GNB1L: variants seen among roughly 807,000 people sequenced by gnomAD.
The protein encoded by GNB1L is guanine nucleotide-binding protein subunit beta-like protein 1.
A neutral mutation model predicts 29.1 loss-of-function variants in GNB1L; 20 were observed. The observed-to-expected ratio is 0.69, with a 90% CI of 0.48 to 1.00. The LOEUF (loss-of-function observed/expected upper bound fraction) is 1.00. GNB1L is among the 50% of genes least tolerant of loss of function. The pLI, the probability that GNB1L is intolerant of heterozygous loss-of-function variation, is 0.00. For missense variants in GNB1L, 421 were observed against 464.9 expected, an observed-to-expected ratio of 0.91 and a Z score of 0.87; for synonymous variants, 193 against 206.5, an observed-to-expected ratio of 0.93 and a Z score of 0.56.
chr22:19,835,777 C>T (rs1333654511), intron 2 of GNB1L, among the ~76,000 whole-genome samples: 1 of 152,138 alleles, frequency 6.6e-6, no homozygotes, highest in Non-Finnish European at 1.5e-5. Flanking sequence ...AAATCTCCAA[C>T]TATTTGGAAA....
intron 2 of GNB1L, among the ~76,000 whole-genome samples, chr22:19,829,752 C>A (rs1380161760): frequency 6.6e-6 from 1 of 152,112 alleles, no homozygotes; most frequent in Non-Finnish European, 1.5e-5. Context: ...GTAATTATCT[C>A]CACAGATGCT....
At chr22:19,844,906 T>C (rs1326765412) in intron 2 of GNB1L, among the ~76,000 whole-genome samples, 1 of 152,202 alleles carries the variant, frequency 6.6e-6, no homozygotes, top group South Asian at 2.1e-4. Context: ...CTGGTTCATG[T>C]AGGCCAGCTG....
intron 3 of GNB1L, 53 bp from the exon 4 acceptor site, chr22:19,820,776 G>T: frequency 6.4e-7 from 1 of 1,569,130 alleles, no homozygotes; most frequent in Non-Finnish European, 8.7e-7. Context: ...TGTGCTGAAT[G>T]CTCTGGGGCC....
chr22:19,796,641 AT>A (rs1010453497), intron 7 of GNB1L, among the ~76,000 whole-genome samples: 16 of 152,226 alleles, frequency 1.1e-4, no homozygotes, highest in Admixed American at 3.3e-4. Context: ...CAAATGAGGA[AT>A]ATGGGGAAAA....
chr22:19,789,028 C>T (rs1937222311), intron 7 of GNB1L, 68 bp from the exon 8 acceptor site: 4 of 1,497,878 alleles, frequency 2.7e-6, no homozygotes, highest in Admixed American at 1.9e-5. Flanking sequence ...CCTGGTGCCC[C>T]ACCTGCAGCT....
Position 19,832,504 on chromosome 22 carries a change from G to A in GNB1L, c.-20-11129C>T, listed in dbSNP as rs1338593950. On this transcript the variant is annotated intron_variant, in intron 2 of 7. Coordinates refer to ENST00000329517, the MANE Select transcript of GNB1L (RefSeq NM_053004.3). Reference sequence around the variant, plus strand: ...TGCCCTACAGTTGGCCCTGGTTGCAGAGCTACCAGGCAGCAGTGGCTAAAA... The same window carrying A: ...TGCCCTACAGTTGGCCCTGGTTGCAAAGCTACCAGGCAGCAGTGGCTAAAA... Among the ~76,000 whole-genome samples, 4 of 152,164 alleles carry A rather than the reference G, an allele frequency of 2.6e-5. No individual in the cohort carries two copies. In the South Asian group the frequency reaches 6.2e-4, roughly 24 times the overall value.
chr22:19,847,943 A>G (rs1938005177), intron 2 of GNB1L: 1 of 985,126 alleles, frequency 1.0e-6, no homozygotes, highest in Non-Finnish European at 1.2e-6. Context: ...CCAGAGGGCC[A>G]ACTGCTTTTA....
intron 2 of GNB1L, chr22:19,848,440 G>A: frequency 1.0e-6 from 1 of 985,496 alleles, no homozygotes; most frequent in Non-Finnish European, 1.2e-6. Flanking sequence ...TCATCTGTCT[G>A]AAAGCAGGTG....
At chr22:19,830,649 A>G (rs1937666376) in intron 2 of GNB1L, among the ~76,000 whole-genome samples, 1 of 152,164 alleles carries the variant, frequency 6.6e-6, no homozygotes, top group African/African-American at 2.4e-5. Context: ...CACAACCCCA[A>G]CGGAAACACC....
At chr22:19,823,927 C>T (rs1421634053) in intron 2 of GNB1L, among the ~76,000 whole-genome samples, 2 of 152,252 alleles carry the variant, frequency 1.3e-5, no homozygotes. Flanking sequence ...AGCACACACA[C>T]AGACAGCACG....
chr22:19,846,340 AC>A (rs1937959834), intron 2 of GNB1L: 5 of 815,068 alleles, frequency 6.1e-6, no homozygotes, highest in Non-Finnish European at 7.4e-6. Flanking sequence ...ATGCCTTTGT[AC>A]CCCCCAGGTA....
At chr22:19,844,373 C>T (rs757222296) in intron 2 of GNB1L, among the ~76,000 whole-genome samples, 11 of 152,250 alleles carry the variant, frequency 7.2e-5, no homozygotes, top group Non-Finnish European at 1.0e-4. Flanking sequence ...ACCCACCACG[C>T]TGGCAGGGGG....
intron 2 of GNB1L, chr22:19,848,778 G>A: frequency 2.0e-6 from 2 of 985,462 alleles, no homozygotes; most frequent in African/African-American, 3.5e-5. Flanking sequence ...AAGCCCCAAA[G>A]CCCCAATAGG....
At chr22:19,849,030 G>C in intron 2 of GNB1L, 1 of 985,522 alleles carries the variant, frequency 1.0e-6, no homozygotes, top group Non-Finnish European at 1.2e-6. Flanking sequence ...CACAAAAGGG[G>C]GGATGGGGCC....
intron 7 of GNB1L, among the ~76,000 whole-genome samples, chr22:19,799,720 T>TG (rs1039694608): frequency 6.6e-6 from 1 of 152,076 alleles, no homozygotes; most frequent in Non-Finnish European, 1.5e-5. Flanking sequence ...GTGCAGGCGG[T>TG]GGGTGAGGAC....
chr22:19,844,941 A>G (rs1937928940), intron 2 of GNB1L, among the ~76,000 whole-genome samples: 1 of 152,154 alleles, frequency 6.6e-6, no homozygotes, highest in Non-Finnish European at 1.5e-5. Flanking sequence ...GAGAGACAAC[A>G]CTCACAGAGG....
chr22:19,810,763 C>T (rs977901342), intron 5 of GNB1L, among the ~76,000 whole-genome samples: 8 of 152,242 alleles, frequency 5.3e-5, no homozygotes, highest in East Asian at 1.9e-4. Flanking sequence ...GGCTTTCTCC[C>T]GCCCAGTCTG....
Position 19,788,964 on chromosome 22 carries a change from TGA to T in GNB1L, c.733-6_733-5del. 1 of 1,596,334 alleles carries T rather than the reference TGA, an allele frequency of 6.3e-7. No homozygotes were observed. The highest frequency in any genetic ancestry group is 8.6e-7 in the Non-Finnish European group (1 of 1,168,316). On this transcript the variant is annotated splice_region_variant and splice_polypyrimidine_tract_variant and intron_variant, in intron 7 of 7. Coordinates refer to ENST00000329517, the MANE Select transcript of GNB1L (RefSeq NM_053004.3). ...TGAGTTCATGAGTCCCACGCACCTG[TGA>T]GAGTTGGGAGAGGTGTTAGGCCACT...
rs1937185676 is a variant in GNB1L at position 19,785,602 on chromosome 22, G to A, written c.*3107C>T. The A allele has an allele frequency of 6.6e-6, 1 of 152,218 alleles. No individual in the cohort carries two copies. The highest frequency in any genetic ancestry group is 6.5e-5 in the Admixed American group (1 of 15,282). The allele number at this position is 152,218 out of a possible 1,614,324, so 9.4% of individuals were successfully genotyped here. Reference sequence around the variant, plus strand: ...CTCTCCCAGTTGGTGGGTTGGCCAGGGGCGTGATGGCAGCGACCAGCCATG... The same window carrying A: ...CTCTCCCAGTTGGTGGGTTGGCCAGAGGCGTGATGGCAGCGACCAGCCATG... On this transcript the variant is annotated 3_prime_UTR_variant, in exon 8 of 8. Transcript: ENST00000329517. The surrounding 1 kb of genome is among the most constrained non-coding windows in gnomAD (Gnocchi z 4.1).
Sources: gnomAD v4.1 joint callset for allele counts (sites outside exome capture counted in the v4.1 genomes callset) on GRCh38, gnomAD v4.1.1 for gene constraint, Gnocchi (gnomAD v3.1) non-coding constraint, MANE v1.5 for transcripts, NCBI Gene and HGNC (gene_info 2026-07-23, HGNC 2026-07-21) for gene names.